ENTREP2: variants seen among roughly 807,000 people sequenced by gnomAD.
ENTREP2 encodes protein ENTREP2.
the ENTREP2 span, among the ~76,000 whole-genome samples, chr15:29,183,206 A>C: frequency 6.6e-6 from 1 of 152,240 alleles, no homozygotes; most frequent in Non-Finnish European, 1.5e-5. Context: ...TTTATGACAA[A>C]GGGAAATCGT....
At chr15:29,545,981 C>T in the ENTREP2 span, among the ~76,000 whole-genome samples, 3 of 152,336 alleles carry the variant, frequency 2.0e-5, no homozygotes, top group African/African-American at 7.2e-5. Flanking sequence ...CACCACTAGA[C>T]ATTTAAATTT....
At chr15:29,485,661 G>A in the ENTREP2 span, among the ~76,000 whole-genome samples, 2 of 152,172 alleles carry the variant, frequency 1.3e-5, no homozygotes, top group African/African-American at 4.8e-5. Context: ...CATCTCAACA[G>A]CAAAGAACAA....
chr15:29,627,727 T>C, the ENTREP2 span, among the ~76,000 whole-genome samples: 2 of 152,158 alleles, frequency 1.3e-5, no homozygotes, highest in African/African-American at 2.4e-5. Flanking sequence ...TTCATACAAG[T>C]GAAATCATAC....
At chr15:29,179,168 T>C in the ENTREP2 span, among the ~76,000 whole-genome samples, 1 of 152,220 alleles carries the variant, frequency 6.6e-6, no homozygotes, top group Non-Finnish European at 1.5e-5. Context: ...GCTAGGATGG[T>C]AATGGCTTTA....
the ENTREP2 span, chr15:29,269,406 G>A: frequency 2.5e-6 from 4 of 1,614,152 alleles, no homozygotes; most frequent in Non-Finnish European, 3.4e-6. Context: ...TCTTCTTCTG[G>A]TCTTTAATCA....
the ENTREP2 span, among the ~76,000 whole-genome samples, chr15:29,634,705 G>A: frequency 6.6e-6 from 1 of 152,208 alleles, no homozygotes; most frequent in African/African-American, 2.4e-5. Flanking sequence ...CAAGTCCGGG[G>A]CCTCCAGAAC....
the ENTREP2 span, among the ~76,000 whole-genome samples, chr15:29,608,757 C>T: frequency 6.6e-6 from 1 of 151,688 alleles, no homozygotes; most frequent in East Asian, 1.9e-4. Context: ...TTAGTAGAGA[C>T]AGGGTTTCAC....
At chr15:29,489,059 G>T in the ENTREP2 span, among the ~76,000 whole-genome samples, 1 of 152,056 alleles carries the variant, frequency 6.6e-6, no homozygotes, top group African/African-American at 2.4e-5. Context: ...GTTACACAAC[G>T]GTGTGAATGT....
chr15:29,309,696 G>A, the ENTREP2 span, among the ~76,000 whole-genome samples: 1 of 151,646 alleles, frequency 6.6e-6, no homozygotes, highest in Non-Finnish European at 1.5e-5. Context: ...GGCTGATGCA[G>A]GAGAATTACT....
At chr15:29,582,592 AAAC>A in the ENTREP2 span, among the ~76,000 whole-genome samples, 163 of 152,288 alleles carry the variant, frequency 1.1e-3, no homozygotes, top group African/African-American at 3.8e-3. Flanking sequence ...CAAGGGAACA[AAAC>A]AAATATTAAG....
At chr15:29,400,048 C>T in the ENTREP2 span, among the ~76,000 whole-genome samples, 3 of 152,026 alleles carry the variant, frequency 2.0e-5, no homozygotes, top group Non-Finnish European at 4.4e-5. Context: ...TTTATTGTGC[C>T]CTGAATATAT....
chr15:29,223,571 C>T, the ENTREP2 span, among the ~76,000 whole-genome samples: 1 of 152,188 alleles, frequency 6.6e-6, no homozygotes, highest in African/African-American at 2.4e-5. Flanking sequence ...ACTAATACCC[C>T]CTAAAAATGA....
chr15:29,224,021 G>T, the ENTREP2 span, among the ~76,000 whole-genome samples: 4 of 152,206 alleles, frequency 2.6e-5, no homozygotes, highest in Non-Finnish European at 5.9e-5. Context: ...TGGTCGCACT[G>T]ACTTCCAGAA....
the ENTREP2 span, among the ~76,000 whole-genome samples, chr15:29,229,949 T>C: frequency 1.4e-5 from 2 of 141,820 alleles, no homozygotes; most frequent in East Asian, 4.7e-4. Flanking sequence ...CCAAAGACAC[T>C]TCAAACTTAA....
At chr15:29,320,077 T>C in the ENTREP2 span, among the ~76,000 whole-genome samples, 1 of 152,182 alleles carries the variant, frequency 6.6e-6, no homozygotes, top group Non-Finnish European at 1.5e-5. Flanking sequence ...CCTGACCCCA[T>C]GCCCGTGCAG....
At chr15:29,626,673 C>A in the ENTREP2 span, among the ~76,000 whole-genome samples, 7 of 151,996 alleles carry the variant, frequency 4.6e-5, no homozygotes, top group South Asian at 2.1e-4. Context: ...TTTTTATTTT[C>A]TTTTCTTGCC....
chr15:29,336,642 TG>T, the ENTREP2 span, among the ~76,000 whole-genome samples: 93,703 of 151,976 alleles, frequency 0.62, 32,783 homozygotes, highest in Non-Finnish European at 0.77. Flanking sequence ...AAGAAAACAG[TG>T]TACTAACAGT....
chr15:29,150,943 CAGAGAG>C, the ENTREP2 span, among the ~76,000 whole-genome samples: 11 of 152,218 alleles, frequency 7.2e-5, no homozygotes, highest in African/African-American at 2.4e-4. Context: ...CACACAGAGA[CAGAGAG>C]AGACAGACAC....
At chr15:29,511,344 C>CT in the ENTREP2 span, among the ~76,000 whole-genome samples, 2,377 of 136,826 alleles carry the variant, frequency 0.017, 32 homozygotes, top group Non-Finnish European at 0.022. Context: ...TTTTTCTTTT[C>CT]TTTTTTTTTT....
Sources: allele counts gnomAD v4.1 joint callset (sites outside exome capture counted in the v4.1 genomes callset), GRCh38; gene constraint gnomAD v4.1.1; transcripts MANE v1.5; gene names NCBI Gene and HGNC (gene_info 2026-07-23, HGNC 2026-07-21).